The following DAB1 variants were observed in gnomAD, a reference collection of about 807,000 sequenced individuals.
DAB1 encodes the protein DAB adaptor protein 1.
DAB1 carries 15 observed loss-of-function variants against 64.6 expected under a neutral mutation model. The observed-to-expected ratio is 0.23, with a 90% CI of 0.16 to 0.36. The LOEUF is 0.36. Ranked by LOEUF, DAB1 falls within the 10% of genes least tolerant of loss-of-function variation. The probability of loss-of-function intolerance (pLI) is 1.00; values close to 1 mark genes in which losing one functional copy is unlikely to be tolerated. For synonymous variants in DAB1, 235 were observed against 251.9 expected, an observed-to-expected ratio of 0.93 and a Z score of 0.64; for missense variants, 596 against 706.7, an observed-to-expected ratio of 0.84 and a Z score of 1.78.
intron 5 of DAB1, among the ~76,000 whole-genome samples, chr1:58,140,019 GC>G (rs1438817042): frequency 6.6e-6 from 1 of 152,118 alleles, no homozygotes; most frequent in Non-Finnish European, 1.5e-5. Flanking sequence ...AGAGACTCCT[GC>G]AATGGCATAT....
chr1:57,713,334 T>G (rs1647048129), intron 6 of DAB1, among the ~76,000 whole-genome samples: 3 of 152,122 alleles, frequency 2.0e-5, no homozygotes, highest in Non-Finnish European at 4.4e-5. Context: ...GGGGACCCTC[T>G]GCAAAAGAAG....
In DAB1 at chr1:57,895,637, C is replaced by A. The variant is rs532383507; in HGVS notation, n.388-11475G>T. On this transcript the variant is annotated intron_variant and non_coding_transcript_variant, in intron 5 of 20. Coordinates refer to the DAB1 transcript ENST00000485760. ...TTACTCATTGAGAGGGAGACTCCCA[C>A]ATTTTAAACCTTTTTGTATTCCTAG... Among the ~76,000 whole-genome samples, 3 of 152,170 alleles carry A rather than the reference C, an allele frequency of 2.0e-5. No homozygotes were observed. In the East Asian group the frequency reaches 5.8e-4, roughly 29 times the overall value.
chr1:57,476,816 G>T (rs930232379), intron 7 of DAB1, among the ~76,000 whole-genome samples: 12 of 152,184 alleles, frequency 7.9e-5, no homozygotes, highest in African/African-American at 2.9e-4. Flanking sequence ...AGCCTGGGGG[G>T]TGTTAAAGAG....
chr1:57,673,011 T>C (rs1181347637), intron 6 of DAB1, among the ~76,000 whole-genome samples: 2 of 152,128 alleles, frequency 1.3e-5, no homozygotes, highest in African/African-American at 4.8e-5. Context: ...CATAGTTAAT[T>C]TGGGCTGCTT....
At chr1:57,070,965 C>T (rs1209343673) in intron 7 of DAB1, 58 bp downstream of exon 7, 3 of 1,443,540 alleles carry the variant, frequency 2.1e-6, no homozygotes, top group Non-Finnish European at 2.0e-6. Flanking sequence ...GACAAAATGG[C>T]TCTGGCACAG....
intron 4 of DAB1, among the ~76,000 whole-genome samples, chr1:58,208,152 T>A (rs1350745036): frequency 6.6e-6 from 1 of 152,104 alleles, no homozygotes; most frequent in Admixed American, 6.6e-5. Context: ...TGGGTCCCTC[T>A]CATGACACAT....
At chr1:58,360,171 AT>A (rs1164241188) in intron 3 of DAB1, among the ~76,000 whole-genome samples, 1 of 152,186 alleles carries the variant, frequency 6.6e-6, no homozygotes, top group African/African-American at 2.4e-5. Context: ...ACCTATGAAA[AT>A]GGCAGTATGT....
In DAB1 at chr1:57,877,545, A is replaced by ATTT. The variant is rs58070219; in HGVS notation, n.87+6451_87+6453dup. ...ATCTTTTAAAAATCCTAATTGATTT[A>ATTT]TTTTTTTTTTTTTTTTTTTTTTTTT... On this transcript the variant is annotated intron_variant and non_coding_transcript_variant, in intron 1 of 1. Coordinates refer to the DAB1 transcript ENST00000477280. Among the ~76,000 whole-genome samples, 15 of 65,042 alleles carry ATTT rather than the reference A, an allele frequency of 2.3e-4. 2 individuals carry two copies. Among genetic ancestry groups the ATTT allele is most frequent in the African/African-American group, 9.7e-4 (10 of 10,324 alleles). 42.7% of individuals were successfully genotyped at this position (65,042 alleles called of 152,430 possible).
chr1:57,049,339 T>G (rs1004601971), intron 9 of DAB1, among the ~76,000 whole-genome samples: 1 of 148,666 alleles, frequency 6.7e-6, no homozygotes, highest in African/African-American at 2.5e-5. Flanking sequence ...TAGTCCCAGC[T>G]ACTCGGGAGG....
intron 7 of DAB1, among the ~76,000 whole-genome samples, chr1:57,588,549 G>A (rs1399307673): frequency 1.3e-5 from 2 of 152,160 alleles, no homozygotes; most frequent in African/African-American, 4.8e-5. Flanking sequence ...AAAGAAAAAA[G>A]TGAGTCCTCT....
At chr1:58,335,847 G>T (rs927146522) in intron 4 of DAB1, among the ~76,000 whole-genome samples, 14 of 152,202 alleles carry the variant, frequency 9.2e-5, no homozygotes, top group Non-Finnish European at 2.1e-4. Flanking sequence ...TCCAGTCGGG[G>T]AAAGGTGAAT....
intron 2 of DAB1, among the ~76,000 whole-genome samples, chr1:58,508,902 G>A (rs934828804): frequency 6.6e-6 from 1 of 151,128 alleles, no homozygotes; most frequent in Non-Finnish European, 1.5e-5. Flanking sequence ...GGCTGTCCAA[G>A]GGACTGGCTT....
intron 7 of DAB1, among the ~76,000 whole-genome samples, chr1:57,502,126 C>G (rs749160713): frequency 6.6e-6 from 1 of 151,910 alleles, no homozygotes; most frequent in Non-Finnish European, 1.5e-5. Context: ...CGAGACCATC[C>G]TGGCTAACAC....
intron 5 of DAB1, among the ~76,000 whole-genome samples, chr1:57,897,044 T>A (rs927539604): frequency 6.6e-6 from 1 of 152,066 alleles, no homozygotes; most frequent in Non-Finnish European, 1.5e-5. Context: ...AAAGAAACCA[T>A]GGTTTGATCC....
chr1:57,200,005 G>C (rs1294614109), intron 2 of DAB1, among the ~76,000 whole-genome samples: 2 of 152,176 alleles, frequency 1.3e-5, no homozygotes, highest in Non-Finnish European at 2.9e-5. Context: ...CACTATCAAT[G>C]TCATGGCCTC....
At chr1:58,501,491 C>T (rs567958064) in intron 3 of DAB1, among the ~76,000 whole-genome samples, 3 of 152,272 alleles carry the variant, frequency 2.0e-5, no homozygotes, top group East Asian at 1.9e-4. Flanking sequence ...CTTACAGGGG[C>T]GATAAGGCCC....
chr1:57,057,756 T>C (rs111859506), intron 9 of DAB1, among the ~76,000 whole-genome samples: 20,666 of 147,596 alleles, frequency 0.14, 1,538 homozygotes, highest in Middle Eastern at 0.16. Context: ...TACAGGTGCC[T>C]GCCACCATGC....
chr1:57,317,433 T>A (rs1675307277), intron 1 of DAB1, among the ~76,000 whole-genome samples: 1 of 151,780 alleles, frequency 6.6e-6, no homozygotes, highest in Non-Finnish European at 1.5e-5. Flanking sequence ...AACTAATACG[T>A]GTTCTTAAAA....
At chr1:57,144,930 ATTAT>A (rs1327000421) in intron 3 of DAB1, among the ~76,000 whole-genome samples, 1 of 152,198 alleles carries the variant, frequency 6.6e-6, no homozygotes, top group Non-Finnish European at 1.5e-5. Flanking sequence ...AAAAATATAT[ATTAT>A]TTATTCAAAA....
Sources: gnomAD v4.1 joint callset for allele counts (sites outside exome capture counted in the v4.1 genomes callset) on GRCh38, gnomAD v4.1.1 for gene constraint, MANE v1.5 for transcripts, NCBI Gene and HGNC (gene_info 2026-07-23, HGNC 2026-07-21) for gene names.